SHANK2: variants seen among roughly 807,000 people sequenced by gnomAD.
SHANK2 encodes the protein SH3 and multiple ankyrin repeat domains protein 2.
In SHANK2, 43 loss-of-function variants were observed where a neutral mutation model predicts 133.7. The observed-to-expected ratio is 0.32, with a 90% CI of 0.25 to 0.41. The LOEUF is 0.41. Among genes scored for constraint, SHANK2 ranks in the 10% least tolerant of loss-of-function variants. SHANK2 has a pLI of 1.00. For synonymous variants in SHANK2, 1,017 were observed against 952.8 expected (o/e 1.07, Z -1.24); for missense variants, 1,994 against 2,235.8 (o/e 0.89, Z 2.18).
chr11:70,604,632 C>T (rs1216526506), intron 17 of SHANK2: 2 of 152,262 alleles, frequency 1.3e-5, no homozygotes, highest in Admixed American at 1.3e-4. Flanking sequence ...AAAGCTTCCC[C>T]AATGTCATAC....
chr11:70,626,573 C>T (rs1343008888), intron 17 of SHANK2, among the ~76,000 whole-genome samples: 3 of 152,114 alleles, frequency 2.0e-5, no homozygotes, highest in East Asian at 1.9e-4. Context: ...AGGCAGAGCT[C>T]GTCAGTCAGT....
chr11:70,561,026 C>G (rs986405235), intron 17 of SHANK2, among the ~76,000 whole-genome samples: 12 of 152,218 alleles, frequency 7.9e-5, no homozygotes, highest in Non-Finnish European at 1.8e-4. Context: ...CACACACACA[C>G]GAAGAACGGG....
intron 17 of SHANK2, among the ~76,000 whole-genome samples, chr11:70,607,629 A>G (rs2060596722): frequency 6.6e-6 from 1 of 152,242 alleles, no homozygotes; most frequent in African/African-American, 2.4e-5. Flanking sequence ...TCAGCTTGGA[A>G]GAAGGCATGG....
At chr11:70,498,216 G>C (rs1253353524) in intron 21 of SHANK2, among the ~76,000 whole-genome samples, 2 of 152,010 alleles carry the variant, frequency 1.3e-5, no homozygotes, top group Non-Finnish European at 2.9e-5. Context: ...CCTGTCTCTG[G>C]GTGAGAGAGT....
At chr11:70,588,061 T>C (rs1459461599) in intron 17 of SHANK2, among the ~76,000 whole-genome samples, 2 of 152,216 alleles carry the variant, frequency 1.3e-5, no homozygotes, top group Non-Finnish European at 2.9e-5. Flanking sequence ...ACTGTACCCA[T>C]ATAAGACAGA....
intron 8 of SHANK2, among the ~76,000 whole-genome samples, chr11:71,077,768 C>A (rs1951240906): frequency 6.6e-6 from 1 of 152,086 alleles, no homozygotes; most frequent in Non-Finnish European, 1.5e-5. Context: ...CGGCTGCACG[C>A]AGGGCTCTGC....
At position 70,661,719 on chromosome 11, in the gene SHANK2, C is replaced by T. The variant is rs781842269; in HGVS notation, c.1854-41G>A. Reference sequence around the variant, plus strand: ...CGGGGACAGCGACCATTATTGTAGCCCGTCATCATCACCGCGGCCGCTCCT... The same window carrying T: ...CGGGGACAGCGACCATTATTGTAGCTCGTCATCATCACCGCGGCCGCTCCT... On this transcript the variant is annotated intron_variant, in intron 15 of 25. Transcript: ENST00000601538. 31 of 1,614,096 alleles carry T rather than the reference C, an allele frequency of 1.9e-5. No homozygotes were observed. In the East Asian group the frequency reaches 6.2e-4, roughly 32 times the overall value.
intron 17 of SHANK2, among the ~76,000 whole-genome samples, chr11:70,645,935 T>A (rs147194766): frequency 3.3e-5 from 5 of 152,332 alleles, no homozygotes; most frequent in African/African-American, 1.2e-4. Context: ...GGTCATCCTA[T>A]GTTCACCAAA....
At chr11:70,489,271 A>C (rs1433385828) in intron 24 of SHANK2, 57 bp downstream of exon 24, 1 of 1,550,988 alleles carries the variant, frequency 6.4e-7, no homozygotes, top group South Asian at 1.1e-5. Context: ...AATACACCTT[A>C]TAAAGTAAAC....
intron 2 of SHANK2, among the ~76,000 whole-genome samples, chr11:71,152,085 C>T (rs1354589967): frequency 1.3e-5 from 2 of 148,244 alleles, no homozygotes; most frequent in African/African-American, 2.5e-5. Context: ...ACAAAAAAAA[C>T]GTGAAATTTA....
intron 11 of SHANK2, among the ~76,000 whole-genome samples, chr11:70,835,509 A>G (rs374048163): frequency 1.3e-5 from 2 of 152,150 alleles, no homozygotes; most frequent in Admixed American, 6.5e-5. Context: ...AATCACAACC[A>G]GGGGCCGAGG....
At position 70,653,567 on chromosome 11, in the gene SHANK2, CAAAAAAAA is replaced by C. The variant is rs1157982312; in HGVS notation, c.2061+6253_2061+6260del. Among the ~76,000 whole-genome samples the C allele has an allele frequency of 3.4e-4, 21 of 61,804 alleles. No homozygotes were observed. In the East Asian group the frequency reaches 5.6e-3, roughly 16 times the overall value. 40.5% of individuals were successfully genotyped at this position (61,804 alleles called of 152,430 possible). ...AAGTGATTCTCCTGCCTCAGCCTTCCAAAAAAAAAAAAAAAAAAAAAAGAAAGAAAATG... is the reference window on the plus strand; with the variant it reads ...AAGTGATTCTCCTGCCTCAGCCTTCCAAAAAAAAAAAAAAGAAAGAAAATG... On this transcript the variant is annotated intron_variant, in intron 17 of 25. Transcript: ENST00000601538.
intron 11 of SHANK2, among the ~76,000 whole-genome samples, chr11:70,894,548 G>A (rs1555075302): frequency 6.6e-6 from 1 of 152,136 alleles, no homozygotes; most frequent in East Asian, 1.9e-4. Flanking sequence ...AGGGAGGAAG[G>A]GTGGCTGTGA....
intron 2 of SHANK2, among the ~76,000 whole-genome samples, chr11:71,185,276 T>G (rs1274763285): frequency 6.6e-6 from 1 of 152,194 alleles, no homozygotes; most frequent in Non-Finnish European, 1.5e-5. Context: ...CAAAAGCCAC[T>G]TGCCAGCAGG....
intron 14 of SHANK2, among the ~76,000 whole-genome samples, chr11:70,773,941 A>AC (rs1177709439): frequency 6.6e-6 from 1 of 152,242 alleles, no homozygotes; most frequent in African/African-American, 2.4e-5. Context: ...GGTTAAACCT[A>AC]CAGTTCCCTT....
In SHANK2 at chr11:70,636,630, T is replaced by A. The variant is rs542448885; in HGVS notation, c.2061+23198A>T. ...GTGTGTATGCGAGCATGTGTGAGCA[T>A]GTGTGCAAATGTGTGAGCATATGAA... On this transcript the variant is annotated intron_variant, in intron 17 of 25. Transcript: ENST00000601538. Among the ~76,000 whole-genome samples, 3 of 152,058 alleles carry A rather than the reference T, an allele frequency of 2.0e-5. No individual in the cohort carries two copies. In the East Asian group the frequency reaches 5.8e-4, roughly 29 times the overall value.
At chr11:70,862,760 T>TG in intron 11 of SHANK2, 1 of 40,480 alleles carries the variant, frequency 2.5e-5, no homozygotes, top group Non-Finnish European at 4.8e-5. Context: ...GGGGTGGGGG[T>TG]GGGGAGCTTG....
At chr11:71,138,403 T>C (rs1166292986) in intron 3 of SHANK2, among the ~76,000 whole-genome samples, 14 of 152,364 alleles carry the variant, frequency 9.2e-5, no homozygotes, top group African/African-American at 3.1e-4. Context: ...GCGGTAATTA[T>C]GTGCCTGTGA....
At chr11:70,880,123 C>T (rs1193919339) in intron 11 of SHANK2, among the ~76,000 whole-genome samples, 10 of 152,202 alleles carry the variant, frequency 6.6e-5, no homozygotes, top group Admixed American at 6.5e-4. Context: ...CCCAGGCACC[C>T]CAATGTCTAT....
Sources: gnomAD v4.1 joint callset for allele counts (sites outside exome capture counted in the v4.1 genomes callset) on GRCh38, gnomAD v4.1.1 for gene constraint, MANE v1.5 for transcripts, NCBI Gene and HGNC (gene_info 2026-07-23, HGNC 2026-07-21) for gene names.